The following ADAM22 variants were observed in gnomAD, a reference collection of about 807,000 sequenced individuals.
ADAM22 encodes the protein ADAM metallopeptidase domain 22.
In ADAM22, 65 loss-of-function variants were observed where a neutral mutation model predicts 144.6. That is an observed-to-expected ratio of 0.45 (90% confidence interval 0.37 to 0.55). The LOEUF is 0.55. Among genes scored for constraint, ADAM22 ranks in the 20% least tolerant of loss-of-function variants. The pLI is 0.00. For synonymous variants in ADAM22, 391 were observed against 412.6 expected (o/e 0.95, Z 0.63); for missense variants, 974 against 1,184.9 (o/e 0.82, Z 2.61).
chr7:88,080,362 T>C (rs1317708982), intron 4 of ADAM22, among the ~76,000 whole-genome samples: 2 of 151,596 alleles, frequency 1.3e-5, no homozygotes, highest in African/African-American at 4.8e-5. Context: ...TAGAGGGAAA[T>C]TTATAGCACT....
intron 22 of ADAM22, among the ~76,000 whole-genome samples, chr7:88,156,486 G>A (rs1839985159): frequency 6.6e-6 from 1 of 152,100 alleles, no homozygotes; most frequent in Admixed American, 6.6e-5. Context: ...TATCAAAGCT[G>A]AGAAAGCTGA....
chr7:87,964,297 T>A (rs916983474), intron 2 of ADAM22, among the ~76,000 whole-genome samples: 23 of 152,224 alleles, frequency 1.5e-4, no homozygotes, highest in African/African-American at 5.5e-4. Flanking sequence ...TAATGGATAA[T>A]GTGACTTGAT....
chr7:87,955,853 C>T (rs940221854), intron 2 of ADAM22, among the ~76,000 whole-genome samples: 10 of 152,198 alleles, frequency 6.6e-5, no homozygotes, highest in Non-Finnish European at 1.0e-4. Context: ...CCCCCAGCCT[C>T]GCTGCTGCCT....
chr7:88,054,234 G>C (rs1807511626), intron 3 of ADAM22, among the ~76,000 whole-genome samples: 1 of 152,096 alleles, frequency 6.6e-6, no homozygotes, highest in Admixed American at 6.5e-5. Context: ...TTCCAGAAAT[G>C]AAATTGCTGA....
intron 2 of ADAM22, among the ~76,000 whole-genome samples, chr7:87,955,879 G>C (rs951338318): frequency 1.3e-5 from 2 of 152,182 alleles, no homozygotes; most frequent in African/African-American, 4.8e-5. Context: ...TTTGATCTCA[G>C]ACTGCTGTGC....
At position 88,168,321 on chromosome 7, in the gene ADAM22, G is replaced by A. The variant is rs1586429553; in HGVS notation, c.2282+94G>A. The A allele has an allele frequency of 4.0e-6, 5 of 1,236,224 alleles. No homozygotes were observed. In the East Asian group the frequency reaches 1.2e-4, roughly 30 times the overall value. 76.6% of individuals were successfully genotyped at this position (1,236,224 alleles called of 1,614,324 possible). On this transcript the variant is annotated intron_variant, in intron 25 of 31. Transcript: ENST00000413139. Reference sequence around the variant, plus strand: ...TCTAGAAAGTTTTGTATCATTGGTTGAATATACTTGCAATGAAAATCAGCT... The same window carrying A: ...TCTAGAAAGTTTTGTATCATTGGTTAAATATACTTGCAATGAAAATCAGCT...
chr7:88,114,647 A>G lies in ADAM22; in HGVS notation c.537A>G (p.Gln179=). The G allele has an allele frequency of 2.5e-6, 4 of 1,613,838 alleles. No individual in the cohort carries two copies. Among genetic ancestry groups the G allele is most frequent in the Middle Eastern group, 1.7e-4 (1 of 6,058 alleles). ...LIEPEENDTT[Q]EDFHFHSVYK... is the part of the protein sequence containing the mutation. ...AGCCAGAAGAAAATGACACTACTCA[A>G]GTAAGTGCTCCTTCTGTTTGTTGTG... Residue 179 remains glutamine, a splice_region_variant and synonymous_variant, in exon 6 of 32, where the codon CAA becomes CAG. Coordinates refer to ENST00000413139, the MANE Select transcript of ADAM22 (RefSeq NM_001324418.2).
At chr7:87,939,926 G>A (rs973445) in intron 2 of ADAM22, among the ~76,000 whole-genome samples, 7,686 of 152,142 alleles carry the variant, frequency 0.051, 602 homozygotes, top group African/African-American at 0.17. Flanking sequence ...GGGCATGGTG[G>A]CCCACACCTG....
At chr7:88,113,055 C>G (rs1359021084) in intron 5 of ADAM22, among the ~76,000 whole-genome samples, 1 of 151,934 alleles carries the variant, frequency 6.6e-6, no homozygotes, top group African/African-American at 2.4e-5. Context: ...GCATCCTTCC[C>G]TCTGCTTCCT....
At chr7:88,025,824 T>C (rs1798903370) in intron 3 of ADAM22, among the ~76,000 whole-genome samples, 1 of 152,202 alleles carries the variant, frequency 6.6e-6, no homozygotes, top group Non-Finnish European at 1.5e-5. Flanking sequence ...TTGTTCTTTT[T>C]ACTCAACATA....
At chr7:88,033,161 T>C (rs905991195) in intron 3 of ADAM22, among the ~76,000 whole-genome samples, 1 of 152,218 alleles carries the variant, frequency 6.6e-6, no homozygotes, top group Admixed American at 6.5e-5. Flanking sequence ...AGTCTGGGCT[T>C]CTTTGTACCT....
At chr7:87,981,727 G>C (rs1027688177) in intron 3 of ADAM22, among the ~76,000 whole-genome samples, 1 of 151,682 alleles carries the variant, frequency 6.6e-6, no homozygotes, top group African/African-American at 2.4e-5. Flanking sequence ...AATCACCATG[G>C]ATAAAAGACA....
chr7:88,145,553 T>C (rs1053169094), intron 17 of ADAM22, 46 bp downstream of exon 17: 2 of 1,443,296 alleles, frequency 1.4e-6, no homozygotes, highest in Non-Finnish European at 1.9e-6. Flanking sequence ...AGGACATACT[T>C]GATTAAATCA....
intron 3 of ADAM22, among the ~76,000 whole-genome samples, chr7:88,047,763 C>T (rs746058337): frequency 1.4e-4 from 22 of 151,852 alleles, no homozygotes; most frequent in Non-Finnish European, 2.4e-4. Flanking sequence ...TTTATTTTAG[C>T]GGGATCTTTC....
At chr7:87,934,717 A>T in intron 1 of ADAM22, 167 bp downstream of exon 1, 1 of 690,172 alleles carries the variant, frequency 1.4e-6, no homozygotes, top group Non-Finnish European at 2.3e-6. Flanking sequence ...GCAAAAATAT[A>T]TGTGTGGAGG....
chr7:88,133,363 T>C (rs554270646), intron 12 of ADAM22, among the ~76,000 whole-genome samples: 20 of 38,046 alleles, frequency 5.3e-4, no homozygotes, highest in Middle Eastern at 0.019. Context: ...ACCCTGTCTC[T>C]AAATAAATAA....
intron 7 of ADAM22, among the ~76,000 whole-genome samples, chr7:88,119,049 A>G (rs1828565194): frequency 6.6e-6 from 1 of 152,236 alleles, no homozygotes; most frequent in African/African-American, 2.4e-5. Context: ...TCCCAGCGAT[A>G]GACATAGGAT....
chr7:87,966,721 G>GTTT (rs71120012), intron 2 of ADAM22, among the ~76,000 whole-genome samples: 3,730 of 39,846 alleles, frequency 0.094, 1,241 homozygotes, highest in African/African-American at 0.17. Context: ...AAGGAAAGCC[G>GTTT]TTTTTTTTTT....
At chr7:88,153,897 C>A (rs1469675748) in intron 21 of ADAM22, among the ~76,000 whole-genome samples, 9 of 152,150 alleles carry the variant, frequency 5.9e-5, no homozygotes, top group African/African-American at 2.2e-4. Context: ...TAACAGTTTT[C>A]TGTGCCAGCA....
Sources: gnomAD v4.1 joint callset for allele counts (sites outside exome capture counted in the v4.1 genomes callset) on GRCh38, gnomAD v4.1.1 for gene constraint, MANE v1.5 for transcripts, NCBI Gene and HGNC (gene_info 2026-07-23, HGNC 2026-07-21) for gene names.